Variants in CYP2C8 observed in about 807,000 individuals in gnomAD.
CYP2C8 encodes the protein cytochrome P450 2C8.
Under a neutral mutation model 41.3 loss-of-function variants are expected in CYP2C8, and 51 were observed. The observed-to-expected ratio is 1.24, with a 90% CI of 0.99 to 1.56. The LOEUF is 1.56. CYP2C8 is among the 40% of genes most tolerant of loss of function. The pLI, the probability that CYP2C8 is intolerant of heterozygous loss-of-function variation, is 0.00. For synonymous variants in CYP2C8, 218 were observed against 205.8 expected (o/e 1.06, Z -0.51); for missense variants, 651 against 579.9 (o/e 1.12, Z -1.26).
At chr10:95,059,978 G>A (rs190396447) in intron 4 of CYP2C8, among the ~76,000 whole-genome samples, 213 of 152,052 alleles carry the variant, frequency 1.4e-3, no homozygotes, top group African/African-American at 4.8e-3. Context: ...ATTTCTGAGG[G>A]CTCTGTTTTG....
chr10:95,046,543 T>C (rs2033112539), intron 5 of CYP2C8, among the ~76,000 whole-genome samples: 1 of 152,142 alleles, frequency 6.6e-6, no homozygotes, highest in Non-Finnish European at 1.5e-5. Context: ...TCATGTTTTG[T>C]TAGGCTGCAC....
At chr10:95,061,222 G>T (rs1248436571) in intron 4 of CYP2C8, among the ~76,000 whole-genome samples, 1 of 152,194 alleles carries the variant, frequency 6.6e-6, no homozygotes, top group South Asian at 2.1e-4. Context: ...AATGGTACCA[G>T]CTCCTCCTTG....
At chr10:95,055,053 C>T (rs2033290231) in intron 5 of CYP2C8, among the ~76,000 whole-genome samples, 1 of 152,018 alleles carries the variant, frequency 6.6e-6, no homozygotes, top group Non-Finnish European at 1.5e-5. Flanking sequence ...GGCAATGCTT[C>T]CAAAAGTAAT....
intron 3 of CYP2C8, among the ~76,000 whole-genome samples, chr10:95,066,153 A>AGAGAGAGAGAGAGG (rs1342809282): frequency 1.1e-5 from 1 of 88,286 alleles, no homozygotes; most frequent in African/African-American, 4.5e-5. Context: ...AGAGAGAGAG[A>AGAGAGAGAGAGAGG]GTGTGTGTGT....
intron 6 of CYP2C8, among the ~76,000 whole-genome samples, chr10:95,045,533 C>T (rs921438947): frequency 6.6e-5 from 10 of 152,188 alleles, no homozygotes; most frequent in African/African-American, 2.4e-4. Context: ...TTTATGCTGG[C>T]TCTCCTTACC....
At chr10:95,063,508 C>G (rs1487837559) in intron 4 of CYP2C8, among the ~76,000 whole-genome samples, 1 of 152,162 alleles carries the variant, frequency 6.6e-6, no homozygotes, top group African/African-American at 2.4e-5. Flanking sequence ...TTAAGGACTT[C>G]TCTGCATTGG....
chr10:95,041,116 T>C (rs1341164), intron 7 of CYP2C8, among the ~76,000 whole-genome samples: 39,984 of 152,046 alleles, frequency 0.26, 5,478 homozygotes, highest in Non-Finnish European at 0.29. Context: ...ATCATATAAA[T>C]AGATGCAGAG....
chr10:95,068,282 A>G (rs1021909003), intron 1 of CYP2C8, among the ~76,000 whole-genome samples: 1 of 152,216 alleles, frequency 6.6e-6, no homozygotes, highest in African/African-American at 2.4e-5. Flanking sequence ...TGGAACGATG[A>G]AGCACCACAA....
chr10:95,038,852 G>C (rs2032938785), intron 8 of CYP2C8, 45 bp downstream of exon 8: 1 of 1,603,180 alleles, frequency 6.2e-7, no homozygotes, highest in Non-Finnish European at 8.5e-7. Flanking sequence ...ATTCCAAAAA[G>C]TTCTCTCTTT....
chr10:95,039,039 C>T lies in CYP2C8; in HGVS notation c.1150-1G>A. The T allele has an allele frequency of 6.2e-7, 1 of 1,612,924 alleles. No individual in the cohort carries two copies. Among genetic ancestry groups the T allele is most frequent in the Admixed American group, 1.7e-5 (1 of 60,004 alleles). ...TCAGTAATGCCATTATGGTTGTGCC[C>T]TGGAAGTAACAAAACAGATAATCTG... On this transcript the variant is annotated splice_acceptor_variant, in intron 7 of 8. Coordinates refer to ENST00000371270, the MANE Select transcript of CYP2C8 (RefSeq NM_000770.3). LOFTEE classifies it high-confidence loss of function.
intron 5 of CYP2C8, among the ~76,000 whole-genome samples, chr10:95,050,273 T>C (rs542522307): frequency 7.2e-5 from 11 of 152,204 alleles, no homozygotes; most frequent in Middle Eastern, 3.4e-3. Context: ...CCAAATAGAC[T>C]TCTAAGGTTT....
At chr10:95,048,547 T>C (rs2033152676) in intron 5 of CYP2C8, among the ~76,000 whole-genome samples, 1 of 152,202 alleles carries the variant, frequency 6.6e-6, no homozygotes, top group Non-Finnish European at 1.5e-5. Context: ...ATTGGGTTTG[T>C]GAACACACTC....
intron 1 of CYP2C8, 48 bp downstream of exon 1, chr10:95,069,187 A>G (rs1302072792): frequency 6.2e-7 from 1 of 1,609,408 alleles, no homozygotes; most frequent in South Asian, 1.1e-5. Flanking sequence ...ATAGCAGTCA[A>G]ATAACTTACC....
intron 4 of CYP2C8, among the ~76,000 whole-genome samples, chr10:95,063,330 G>GCT (rs1403664999): frequency 3.9e-4 from 60 of 152,286 alleles, no homozygotes; most frequent in Non-Finnish European, 6.2e-4. Flanking sequence ...TGGAGGCTTT[G>GCT]TGCATTTCTT....
intron 5 of CYP2C8, among the ~76,000 whole-genome samples, chr10:95,057,526 G>T (rs1162039331): frequency 6.6e-6 from 1 of 151,946 alleles, no homozygotes; most frequent in Non-Finnish European, 1.5e-5. Flanking sequence ...AAGCTTTGAG[G>T]ACTCATACTT....
intron 4 of CYP2C8, among the ~76,000 whole-genome samples, chr10:95,060,954 T>C (rs1015476082): frequency 6.6e-5 from 10 of 152,354 alleles, no homozygotes; most frequent in Non-Finnish European, 8.8e-5. Flanking sequence ...TTTACTGATT[T>C]GCGTATATTG....
At chr10:95,045,243 T>G (rs1476008766) in intron 6 of CYP2C8, among the ~76,000 whole-genome samples, 2 of 152,214 alleles carry the variant, frequency 1.3e-5, no homozygotes, top group Non-Finnish European at 2.9e-5. Flanking sequence ...TCAAATAGCA[T>G]TTTTATGAAA....
chr10:95,047,196 A>G (rs2033126422), intron 5 of CYP2C8, among the ~76,000 whole-genome samples: 1 of 152,226 alleles, frequency 6.6e-6, no homozygotes, highest in South Asian at 2.1e-4. Flanking sequence ...TACAGCCTGC[A>G]GAACCGTGAG....
In CYP2C8 at chr10:95,067,487, C is replaced by T. The variant is rs61757320; in HGVS notation, c.331+42G>A. ...TTAGGGCTCTGTTTTCCATCCCCCT[C>T]ACCCCAGTTACCAAAGCTGACACAG... is the stretch of plus-strand genomic sequence containing the variant. On this transcript the variant is annotated intron_variant, in intron 2 of 8. Transcript: ENST00000371270. 2.6e-3 allele frequency: 4,173 copies of T among 1,613,780 alleles called. 4 individuals are homozygous for T. Among genetic ancestry groups the T allele is most frequent in the Non-Finnish European group, 3.2e-3 (3,825 of 1,179,650 alleles).
Sources: allele counts gnomAD v4.1 joint callset (sites outside exome capture counted in the v4.1 genomes callset), GRCh38; gene constraint gnomAD v4.1.1; transcripts MANE v1.5; gene names NCBI Gene and HGNC (gene_info 2026-07-23, HGNC 2026-07-21).